ACTR3C: variants seen among roughly 807,000 people sequenced by gnomAD.
ACTR3C encodes actin-related protein 3C.
In ACTR3C, 18 loss-of-function variants were observed where a neutral mutation model predicts 26.3. That is an observed-to-expected ratio of 0.68 (90% CI 0.47 to 1.01). ACTR3C has a LOEUF of 1.01. Ranked by LOEUF, ACTR3C falls within the 50% of genes least tolerant of loss-of-function variation. ACTR3C has a pLI of 0.00. For synonymous variants in ACTR3C, 55 were observed against 94.5 expected (o/e 0.58, Z 2.42); for missense variants, 184 against 250.7 (o/e 0.73, Z 1.80).
chr7:150,162,135 A>G, the ACTR3C span, among the ~76,000 whole-genome samples: 1 of 152,142 alleles, frequency 6.6e-6, no homozygotes, highest in Non-Finnish European at 1.5e-5. Flanking sequence ...TTTGCCACAT[A>G]TCAATTTTGT....
intron 4 of ACTR3C, among the ~76,000 whole-genome samples, chr7:150,287,391 C>T (rs927008043): frequency 6.6e-6 from 1 of 152,174 alleles, no homozygotes; most frequent in Non-Finnish European, 1.5e-5. Context: ...CGAGAGAAGT[C>T]GCTAACGATT....
the ACTR3C span, among the ~76,000 whole-genome samples, chr7:150,042,432 CT>C: frequency 2.0e-5 from 3 of 149,506 alleles, no homozygotes; most frequent in Non-Finnish European, 4.5e-5. Flanking sequence ...GGGGTGCCTC[CT>C]CCCCTGTGAT....
At chr7:150,029,417 ACAAAC>A in the ACTR3C span, among the ~76,000 whole-genome samples, 60 of 47,564 alleles carry the variant, frequency 1.3e-3, 5 homozygotes, top group East Asian at 2.4e-3. Flanking sequence ...AAAAAAAAAA[ACAAAC>A]AAAAAAAAAC....
chr7:149,955,583 T>A, the ACTR3C span, among the ~76,000 whole-genome samples: 1 of 152,114 alleles, frequency 6.6e-6, no homozygotes, highest in South Asian at 2.1e-4. Flanking sequence ...CATACGGTGT[T>A]TTTGCAACAA....
At chr7:150,240,660 C>CA (rs896756603), downstream of ACTR3C, among the ~76,000 whole-genome samples, 2 of 152,002 alleles carry the variant, frequency 1.3e-5, no homozygotes, top group African/African-American at 2.4e-5. Context: ...TAAACAACAA[C>CA]AAAAAAGCCT....
At chr7:150,160,253 G>A in the ACTR3C span, among the ~76,000 whole-genome samples, 20 of 152,090 alleles carry the variant, frequency 1.3e-4, no homozygotes, top group African/African-American at 4.6e-4. Flanking sequence ...AAAAAAGGCC[G>A]GAGGGGTCCT....
chr7:150,076,073 C>T, the ACTR3C span, among the ~76,000 whole-genome samples: 1 of 152,124 alleles, frequency 6.6e-6, no homozygotes, highest in Non-Finnish European at 1.5e-5. Context: ...ACATGGACAT[C>T]TGACTTCCAA....
chr7:150,200,651 C>A, the ACTR3C span, among the ~76,000 whole-genome samples: 1 of 152,172 alleles, frequency 6.6e-6, no homozygotes, highest in Non-Finnish European at 1.5e-5. Flanking sequence ...ACCAGCACAA[C>A]TGCCTTGAAA....
At chr7:150,127,355 C>G in the ACTR3C span, among the ~76,000 whole-genome samples, 1 of 152,134 alleles carries the variant, frequency 6.6e-6, no homozygotes, top group Non-Finnish European at 1.5e-5. Context: ...GAATTCCTCC[C>G]CAGTCTTGCC....
the ACTR3C span, among the ~76,000 whole-genome samples, chr7:149,954,442 A>G: frequency 4.1e-3 from 631 of 152,326 alleles, 3 homozygotes; most frequent in Non-Finnish European, 5.9e-3. Context: ...ACTTCTGCAC[A>G]TATTTGGGGG....
chr7:149,927,518 C>A, the ACTR3C span, among the ~76,000 whole-genome samples: 2 of 151,786 alleles, frequency 1.3e-5, no homozygotes, highest in Non-Finnish European at 2.9e-5. Context: ...CACCTGAGGT[C>A]AGGAGTTCAA....
At chr7:150,029,415 A>C in the ACTR3C span, among the ~76,000 whole-genome samples, 864 of 92,290 alleles carry the variant, frequency 9.4e-3, 32 homozygotes, top group African/African-American at 0.055. Flanking sequence ...AAAAAAAAAA[A>C]AACAAACAAA....
intron 6 of ACTR3C, among the ~76,000 whole-genome samples, chr7:150,278,564 C>G (rs1234814889): frequency 2.0e-5 from 3 of 152,252 alleles, no homozygotes; most frequent in Non-Finnish European, 4.4e-5. Context: ...TCTGCAGGTG[C>G]TCACTGACAT....
At chr7:150,264,247 G>T (rs993143386) in intron 6 of ACTR3C, among the ~76,000 whole-genome samples, 3 of 152,242 alleles carry the variant, frequency 2.0e-5, no homozygotes, top group African/African-American at 7.2e-5. Context: ...GAAACGTCAT[G>T]TGAGCTCCAA....
chr7:150,047,743 C>T, the ACTR3C span: 5 of 1,459,430 alleles, frequency 3.4e-6, no homozygotes, highest in Non-Finnish European at 4.5e-6. Flanking sequence ...GCTCCTGCGC[C>T]GCCGTCCTCC....
At chr7:150,215,230 G>A in the ACTR3C span, among the ~76,000 whole-genome samples, 1 of 152,066 alleles carries the variant, frequency 6.6e-6, no homozygotes, top group African/African-American at 2.4e-5. Context: ...GTGGGTAGAG[G>A]CTGACACTCT....
At chr7:150,130,792 A>G in the ACTR3C span, among the ~76,000 whole-genome samples, 6 of 152,314 alleles carry the variant, frequency 3.9e-5, no homozygotes, top group East Asian at 5.8e-4. Flanking sequence ...GAAATTCTAC[A>G]TAATAATAAC....
the ACTR3C span, among the ~76,000 whole-genome samples, chr7:149,976,250 G>A: frequency 6.6e-6 from 1 of 151,978 alleles, no homozygotes; most frequent in Non-Finnish European, 1.5e-5. Context: ...TTGGTTCAAG[G>A]GCACTATCAT....
the ACTR3C span, among the ~76,000 whole-genome samples, chr7:150,082,522 G>A: frequency 5.3e-5 from 8 of 152,252 alleles, no homozygotes; most frequent in South Asian, 1.2e-3. Flanking sequence ...AGGGGGCCTC[G>A]TGGTGGCCTT....
Sources: gnomAD v4.1 joint callset for allele counts (sites outside exome capture counted in the v4.1 genomes callset) on GRCh38, gnomAD v4.1.1 for gene constraint, MANE v1.5 for transcripts, NCBI Gene and HGNC (gene_info 2026-07-23, HGNC 2026-07-21) for gene names.